MYO1C: variants seen among roughly 807,000 people sequenced by gnomAD.
MYO1C encodes unconventional myosin-Ic.
In MYO1C, 104 loss-of-function variants were observed where a neutral mutation model predicts 150.8. The ratio of observed to expected loss-of-function variants is 0.69; its 90% confidence interval spans 0.59 to 0.81. MYO1C has a LOEUF of 0.81. Ranked by LOEUF, MYO1C falls within the 30% of genes least tolerant of loss-of-function variation. The probability of loss-of-function intolerance (pLI) is 0.00; values close to 1 mark genes in which losing one functional copy is unlikely to be tolerated. For synonymous variants in MYO1C, 663 were observed against 579.9 expected, an observed-to-expected ratio of 1.14 and a Z score of -2.06; for missense variants, 1,504 against 1,435.0, an observed-to-expected ratio of 1.05 and a Z score of -0.78.
intron 5 of MYO1C, chr17:1,481,097 T>A (rs1156765812): frequency 3.4e-6 from 2 of 589,404 alleles, no homozygotes; most frequent in Non-Finnish European, 6.0e-6. Context: ...ACGACCTGGC[T>A]GCTCCACCTG....
At chr17:1,477,436 G>A in intron 14 of MYO1C, 69 bp downstream of exon 14, 1 of 1,406,892 alleles carries the variant, frequency 7.1e-7, no homozygotes, top group Admixed American at 1.7e-5. Context: ...ATGGCGGAGG[G>A]ACTCCTGCAC....
Position 1,465,407 on chromosome 17 carries a change from A to G in MYO1C, c.*319T>C, listed in dbSNP as rs1417241050. 3.5e-6 allele frequency: 1 copy of G among 284,664 alleles called. No homozygotes were observed. The highest frequency in any genetic ancestry group is 6.5e-6 in the Non-Finnish European group (1 of 153,562). 17.6% of individuals were successfully genotyped at this position (284,664 alleles called of 1,614,324 possible). A position where few individuals can be genotyped will look rare whatever the true frequency, so the allele number is the denominator to read the frequency against. ...GGCTTTTTTTAAAAAATAGTTTCCT[A>G]TAAAGCATCAAAAAAACCTCAGAGA... On this transcript the variant is annotated 3_prime_UTR_variant, in exon 32 of 32. Transcript: ENST00000648651.
chr17:1,485,370 G>C (rs2074630724), intron 1 of MYO1C: 3 of 154,948 alleles, frequency 1.9e-5, no homozygotes, highest in African/African-American at 6.3e-5. Flanking sequence ...CCGGGGGCCT[G>C]CCCCTCCCAG....
Position 1,477,591 on chromosome 17 carries a change from C to T in MYO1C, c.1488G>A (p.Glu496=), listed in dbSNP as rs768252458. The change falls in exon 14 of 32, where the codon GAG becomes GAA. Residue 496 remains glutamate, a synonymous_variant. Transcript: ENST00000648651. ...KFKGIISILD[E]ECLRPGEATD... The stretch of plus-strand genomic sequence containing the variant: ...TGGCCTCCCCGGGGCGCAGACACTC[C>T]TCATCCTGGGGGGTGTGGCACAGGG... 4 of 1,613,302 alleles carry T rather than the reference C, an allele frequency of 2.5e-6. No individual in the cohort carries two copies. The highest frequency in any genetic ancestry group is 2.5e-6 in the Non-Finnish European group (3 of 1,179,888).
intron 1 of MYO1C, chr17:1,484,543 G>C (rs761267571): frequency 3.6e-5 from 22 of 605,694 alleles, no homozygotes; most frequent in Non-Finnish European, 5.9e-5. Context: ...GATCACCGAG[G>C]CTGCGGGCAC....
chr17:1,468,268 G>A lies in MYO1C; in HGVS notation c.2745C>T (p.Gly915=), dbSNP rs914081353. The A allele has an allele frequency of 6.2e-7, 1 of 1,613,750 alleles. No homozygotes were observed. Among genetic ancestry groups the A allele is most frequent in the Non-Finnish European group, 8.5e-7 (1 of 1,179,998 alleles). Residue 915 remains glycine, a synonymous_variant, in exon 27 of 32, where the codon GGC becomes GGT. Coordinates refer to ENST00000648651, the MANE Select transcript of MYO1C (RefSeq NM_001080779.2). ...EISPRVLQAL[G]SEPIQYAVPV... ...AGGCTCTTACCTGAATGGGCTCAGA[G>A]CCCAAGGCCTGCAGCACTCGGGGGC... is the stretch of plus-strand genomic sequence containing the variant.
chr17:1,471,393 C>T, intron 19 of MYO1C, 57 bp from the exon 20 acceptor site: 1 of 1,482,680 alleles, frequency 6.7e-7, no homozygotes, highest in Admixed American at 1.8e-5. Context: ...CCTGGGGACC[C>T]CAATCAGCTT....
Position 1,486,539 on chromosome 17 carries a change from G to T in MYO1C, c.76-2236C>A, listed in dbSNP as rs531422088. 7.5e-5 allele frequency among the ~76,000 whole-genome samples: 11 copies of T among 145,994 alleles called. No homozygotes were observed. In the East Asian group the frequency reaches 1.9e-3, roughly 26 times the overall value. ...TTTTTTTCTGTTTTTTTTTTGAGAC[G>T]GGGTCTTGCGCTGGCTCCCAGGTTG... On this transcript the variant is annotated intron_variant, in intron 1 of 31. Transcript: ENST00000648651.
chr17:1,485,241 C>T (rs2074627431), intron 1 of MYO1C: 1 of 1,161,264 alleles, frequency 8.6e-7, no homozygotes, highest in Non-Finnish European at 1.1e-6. Flanking sequence ...GGTCTCAGGG[C>T]TCCAAAAAAT....
Position 1,470,977 on chromosome 17 carries a change from G to A in MYO1C, c.2212+94C>T, listed in dbSNP as rs1020712939. On this transcript the variant is annotated intron_variant, in intron 21 of 31. Transcript: ENST00000648651. Reference sequence around the variant, plus strand: ...GGCGTGGGGCTGGAGCTGATAGGGAGGGGTGGACTCCCTGGAGAAGGAGCC... The same window carrying A: ...GGCGTGGGGCTGGAGCTGATAGGGAAGGGTGGACTCCCTGGAGAAGGAGCC... 5.9e-6 allele frequency: 8 copies of A among 1,352,792 alleles called. No homozygotes were observed. In the Admixed American group the frequency reaches 9.1e-5, roughly 15 times the overall value. The allele number at this position is 1,352,792 out of a possible 1,614,324, so 83.8% of individuals were successfully genotyped here.
Position 1,477,488 on chromosome 17 carries a change from C to G in MYO1C, c.1574+17G>C. ...CAAGTGAGCCCTTGCCCCCAGCAGC[C>G]CCGCAGCCCCACTCACGTCAGGAAG... On this transcript the variant is annotated intron_variant, in intron 14 of 31. Coordinates refer to ENST00000648651, the MANE Select transcript of MYO1C (RefSeq NM_001080779.2). The G allele has an allele frequency of 6.2e-7, 1 of 1,612,146 alleles. No individual in the cohort carries two copies. The highest frequency in any genetic ancestry group is 8.5e-7 in the Non-Finnish European group (1 of 1,178,662).
intron 1 of MYO1C, among the ~76,000 whole-genome samples, chr17:1,487,441 C>A (rs2074677147): frequency 1.3e-5 from 2 of 152,256 alleles, no homozygotes; most frequent in Non-Finnish European, 2.9e-5. Flanking sequence ...CAGGTGCGGG[C>A]CGGATCCTTG....
Position 1,478,685 on chromosome 17 carries a change from G to A in MYO1C, c.1143C>T (p.Leu381=), listed in dbSNP as rs767932819. The change falls in exon 10 of 32, where the codon CTC becomes CTT. Residue 381 remains leucine, a synonymous_variant. Transcript: ENST00000648651. This position sits in a 1 kb window ranked among gnomAD's most constrained non-coding sequence, Gnocchi z 6.3. The part of the protein sequence containing the change: ...LEQAAYARDA[L]AKAVYSRTFT... The stretch of plus-strand genomic sequence containing the variant: ...AAGTGCGGCTGTACACAGCCTTGGC[G>A]AGGGCGTCTCGTGCGTACGCGGCCT... The A allele has an allele frequency of 3.7e-5, 60 of 1,614,054 alleles. No individual in the cohort carries two copies. The highest frequency in any genetic ancestry group is 1.6e-4 in the Middle Eastern group (1 of 6,082).
rs188847316 is a variant in MYO1C at position 1,465,342 on chromosome 17, G to C, written c.*384C>G. ...CGGCTACATTCCTTGCCCTGCTGGA[G>C]TCAGGGAAAACACATCCACTGTGTC... On this transcript the variant is annotated 3_prime_UTR_variant, in exon 32 of 32. Coordinates refer to ENST00000648651, the MANE Select transcript of MYO1C (RefSeq NM_001080779.2). The C allele has an allele frequency of 1.7e-3, 284 of 166,562 alleles. No homozygotes were observed. The highest frequency in any genetic ancestry group is 2.7e-3 in the Non-Finnish European group (213 of 77,574). The allele number at this position is 166,562 out of a possible 1,614,324, so 10.3% of individuals were successfully genotyped here.
intron 25 of MYO1C, chr17:1,468,724 G>A (rs1317542776): frequency 5.1e-6 from 3 of 584,272 alleles, no homozygotes; most frequent in African/African-American, 1.9e-5. Context: ...GCACTGCGGG[G>A]TTTTGAAACT....
At position 1,467,836 on chromosome 17, in the gene MYO1C, G is replaced by T. The variant is rs765510565; in HGVS notation, c.2967+4C>A. The T allele has an allele frequency of 1.3e-6, 2 of 1,547,846 alleles. No individual in the cohort carries two copies. The highest frequency in any genetic ancestry group is 1.1e-5 in the South Asian group (1 of 88,956). On this transcript the variant is annotated splice_donor_region_variant and intron_variant, in intron 29 of 31. Coordinates refer to ENST00000648651, the MANE Select transcript of MYO1C (RefSeq NM_001080779.2). The stretch of plus-strand genomic sequence containing the variant: ...ACCACTCCTCCCCATCCATGAAAAG[G>T]CACCTTTTGCTTATTGTCCGCACGC...
intron 5 of MYO1C, among the ~76,000 whole-genome samples, chr17:1,481,393 G>A (rs2074517084): frequency 6.6e-6 from 1 of 152,160 alleles, no homozygotes; most frequent in Non-Finnish European, 1.5e-5. Flanking sequence ...AATGTCACCT[G>A]TCACCTACAT....
rs541831167 is a variant in MYO1C, at chr17:1,478,104, C to T, written c.1384G>A (p.Glu462Lys). ...LTLKSEQEEY[E>K]AEGIAWEPVQ... Reference sequence around the variant, plus strand: ...GCACACACCGCGATGCCCTCTGCCTCGTACTCCTCCTGCTCCGACTTGAGC... The same window carrying T: ...GCACACACCGCGATGCCCTCTGCCTTGTACTCCTCCTGCTCCGACTTGAGC... The change falls in exon 12 of 32, where the codon GAG (glutamate) becomes AAG (lysine). Residue 462 changes from glutamate (E) to lysine (K), a missense_variant. Transcript: ENST00000648651. The surrounding 1 kb of genome is among the most constrained non-coding windows in gnomAD (Gnocchi z 6.3). The T allele has an allele frequency of 2.0e-4, 317 of 1,614,108 alleles. No individual in the cohort carries two copies. The highest frequency in any genetic ancestry group is 3.3e-4 in the Middle Eastern group (2 of 6,062).
chr17:1,482,205 C>T (rs547253380), intron 5 of MYO1C, among the ~76,000 whole-genome samples: 2 of 152,292 alleles, frequency 1.3e-5, no homozygotes, highest in African/African-American at 4.8e-5. Flanking sequence ...TGCCACCCTA[C>T]CCAGCTGTCA....
Sources: gnomAD v4.1 joint callset for allele counts (sites outside exome capture counted in the v4.1 genomes callset) on GRCh38, gnomAD v4.1.1 for gene constraint, Gnocchi (gnomAD v3.1) non-coding constraint, MANE v1.5 for transcripts, NCBI Gene and HGNC (gene_info 2026-07-23, HGNC 2026-07-21) for gene names.